The following ATAD2B variants were observed in gnomAD, a reference collection of about 807,000 sequenced individuals.
The protein encoded by ATAD2B is ATPase family AAA domain-containing protein 2B.
ATAD2B carries 40 observed loss-of-function variants against 167.6 expected under a neutral mutation model. The ratio of observed to expected loss-of-function variants is 0.24; its 90% CI spans 0.19 to 0.31. ATAD2B has a LOEUF of 0.31. Ranked by LOEUF, ATAD2B falls within the 10% of genes least tolerant of loss-of-function variation. The probability of loss-of-function intolerance (pLI) is 1.00; values close to 1 mark genes in which losing one functional copy is unlikely to be tolerated. For missense variants in ATAD2B, 1,242 were observed against 1,757.2 expected (o/e 0.71, Z 5.24); for synonymous variants, 579 against 596.5 (o/e 0.97, Z 0.43).
At chr2:23,734,606 G>A in the ATAD2B span, among the ~76,000 whole-genome samples, 1 of 152,180 alleles carries the variant, frequency 6.6e-6, no homozygotes, top group Admixed American at 6.5e-5. Flanking sequence ...GGGCAGAGAA[G>A]GAGGAAGAGA....
rs1375154722 is a variant in ATAD2B at position 23,762,101 on chromosome 2, A to C, written c.3394+108T>G. On this transcript the variant is annotated intron_variant, in intron 24 of 27. Transcript: ENST00000238789. The stretch of plus-strand genomic sequence containing the variant: ...CTTCTTCACCTCTGAAAAGAGATTA[A>C]AAGAGCTATGGGAAAAGAGCGGCAC... 3 of 1,141,504 alleles carry C rather than the reference A, an allele frequency of 2.6e-6. No homozygotes were observed. The East Asian group carries it at 8.0e-5, about 30-fold the overall frequency. The allele number at this position is 1,141,504 out of a possible 1,614,324, so 70.7% of individuals were successfully genotyped here. A position where few individuals can be genotyped will look rare whatever the true frequency, so the allele number is the denominator to read the frequency against.
chr2:23,826,946 G>A (rs1295058093), intron 15 of ATAD2B, among the ~76,000 whole-genome samples: 1 of 152,124 alleles, frequency 6.6e-6, no homozygotes, highest in Non-Finnish European at 1.5e-5. Flanking sequence ...CTTCACAGCT[G>A]TTCATCATAC....
intron 10 of ATAD2B, 48 bp downstream of exon 10, chr2:23,867,787 A>G: frequency 7.3e-7 from 1 of 1,364,066 alleles, no homozygotes; most frequent in Non-Finnish European, 1.0e-6. Context: ...ACAAGAAAAA[A>G]ACTTTTAAAA....
At chr2:23,889,765 C>G (rs1162980500) in intron 2 of ATAD2B, among the ~76,000 whole-genome samples, 1 of 151,730 alleles carries the variant, frequency 6.6e-6, no homozygotes, top group Non-Finnish European at 1.5e-5. Flanking sequence ...ACCAAAAATA[C>G]AAAAATTGCT....
chr2:23,771,971 G>C (rs1032744347), intron 22 of ATAD2B, among the ~76,000 whole-genome samples: 9 of 152,154 alleles, frequency 5.9e-5, no homozygotes, highest in Non-Finnish European at 1.3e-4. Flanking sequence ...AGGACCTCCA[G>C]AATATGCCTG....
intron 13 of ATAD2B, among the ~76,000 whole-genome samples, chr2:23,841,426 T>G (rs1332561825): frequency 6.6e-6 from 1 of 152,194 alleles, no homozygotes; most frequent in African/African-American, 2.4e-5. Context: ...ATAAACAGAA[T>G]CATACAATAA....
At chr2:23,843,326 A>T (rs1691228282) in intron 13 of ATAD2B, among the ~76,000 whole-genome samples, 1 of 152,248 alleles carries the variant, frequency 6.6e-6, no homozygotes, top group Non-Finnish European at 1.5e-5. Context: ...AAGACTGAAA[A>T]ATGACAAATT....
chr2:23,882,502 TA>T (rs770725105), intron 6 of ATAD2B, among the ~76,000 whole-genome samples: 1,210 of 92,230 alleles, frequency 0.013, 7 homozygotes, highest in African/African-American at 0.027. Flanking sequence ...AGCCTCTATT[TA>T]AAAAAAAAAA....
intron 6 of ATAD2B, among the ~76,000 whole-genome samples, chr2:23,882,000 G>A (rs1697976886): frequency 6.6e-6 from 1 of 152,130 alleles, no homozygotes; most frequent in South Asian, 2.1e-4. Context: ...TGGGATTACA[G>A]GCGTGAGCCA....
rs758175015 is a variant in ATAD2B at position 23,810,313 on chromosome 2, T to C, written c.2454+3A>G. On this transcript the variant is annotated splice_donor_region_variant and intron_variant, in intron 18 of 27. Transcript: ENST00000238789. ...GAAGTGCTCTGATGTGGTACAAACC[T>C]ACCTGTGCACATGATTCCTCAGGTG... The C allele has an allele frequency of 6.2e-7, 1 of 1,612,034 alleles. No individual in the cohort carries two copies. The highest frequency in any genetic ancestry group is 1.7e-5 in the Admixed American group (1 of 60,006).
chr2:23,734,836 A>T, the ATAD2B span, among the ~76,000 whole-genome samples: 1 of 152,144 alleles, frequency 6.6e-6, no homozygotes, highest in Non-Finnish European at 1.5e-5. Flanking sequence ...ACAGCACCTC[A>T]ACTAAACCAT....
intron 19 of ATAD2B, among the ~76,000 whole-genome samples, chr2:23,790,097 A>G (rs1681424509): frequency 1.3e-5 from 2 of 152,134 alleles, no homozygotes; most frequent in South Asian, 4.1e-4. Context: ...CCCTTTAATC[A>G]ATGCTTTGAT....
At chr2:23,759,258 T>A (rs1676341207) in intron 24 of ATAD2B, among the ~76,000 whole-genome samples, 1 of 152,122 alleles carries the variant, frequency 6.6e-6, no homozygotes, top group Non-Finnish European at 1.5e-5. Context: ...AAAAAGACAA[T>A]ATATATGTTT....
At chr2:23,920,433 TCC>T in intron 1 of ATAD2B, among the ~76,000 whole-genome samples, 1 of 152,216 alleles carries the variant, frequency 6.6e-6, no homozygotes, top group East Asian at 1.9e-4. Context: ...GTTTTATTTA[TCC>T]TCTATTCTCA....
In ATAD2B at chr2:23,817,007, C is replaced by T. The variant is rs112419121; in HGVS notation, c.2267+2740G>A. 5.6e-3 allele frequency among the ~76,000 whole-genome samples: 859 copies of T among 152,284 alleles called. 10 individuals carry two copies. Among genetic ancestry groups the T allele is most frequent in the African/African-American group, 0.018 (755 of 41,550 alleles). The stretch of plus-strand genomic sequence containing the variant: ...AGTTATGCTTTATTCTGGCCGAGCA[C>T]CTTTTCTTCTGCATTGATCTGTAAT... On this transcript the variant is annotated intron_variant, in intron 17 of 27. Coordinates refer to ENST00000238789, the MANE Select transcript of ATAD2B (RefSeq NM_017552.4).
intron 19 of ATAD2B, among the ~76,000 whole-genome samples, chr2:23,796,054 G>A (rs1682572122): frequency 6.6e-6 from 1 of 152,160 alleles, no homozygotes; most frequent in Admixed American, 6.5e-5. Context: ...GAAACATAAT[G>A]AGACTTCGTC....
At chr2:23,729,831 C>A in the ATAD2B span, among the ~76,000 whole-genome samples, 1 of 152,228 alleles carries the variant, frequency 6.6e-6, no homozygotes, top group Admixed American at 6.5e-5. Flanking sequence ...ATAAAATGTT[C>A]AATTCACCAA....
At chr2:23,729,123 C>G in the ATAD2B span, among the ~76,000 whole-genome samples, 3 of 152,202 alleles carry the variant, frequency 2.0e-5, no homozygotes, top group Non-Finnish European at 4.4e-5. Flanking sequence ...GATCCAATCA[C>G]CTCCCACCAG....
At chr2:23,703,890 G>T in the ATAD2B span, 3 of 1,527,924 alleles carry the variant, frequency 2.0e-6, no homozygotes, top group South Asian at 1.2e-5. Context: ...CCTTGACTAG[G>T]GCTGGGACGG....
Sources: allele counts gnomAD v4.1 joint callset (sites outside exome capture counted in the v4.1 genomes callset), GRCh38; gene constraint gnomAD v4.1.1; transcripts MANE v1.5; gene names NCBI Gene and HGNC (gene_info 2026-07-23, HGNC 2026-07-21).